Variants in VPS13B observed in about 807,000 individuals in gnomAD.
VPS13B encodes intermembrane lipid transfer protein VPS13B.
A neutral mutation model predicts 426.4 loss-of-function variants in VPS13B; 285 were observed. The ratio of observed to expected loss-of-function variants is 0.67; its 90% CI spans 0.61 to 0.74. The LOEUF (loss-of-function observed/expected upper bound fraction) is 0.74, where lower values mean the gene tolerates loss of function less well. VPS13B is among the 30% of genes least tolerant of loss of function. The pLI is 0.00. For missense variants in VPS13B, 4,537 were observed against 4,782.6 expected (o/e 0.95, Z 1.51); for synonymous variants, 1,676 against 1,676.4 (o/e 1.00, Z 0.01).
At chr8:99,286,285 T>A (rs1223887510) in intron 19 of VPS13B, among the ~76,000 whole-genome samples, 1 of 152,192 alleles carries the variant, frequency 6.6e-6, no homozygotes, top group Non-Finnish European at 1.5e-5. Context: ...AATTGCTCTA[T>A]GGGGAAAAAT....
intron 19 of VPS13B, among the ~76,000 whole-genome samples, chr8:99,350,512 G>C (rs1428890685): frequency 6.6e-6 from 1 of 152,116 alleles, no homozygotes; most frequent in Non-Finnish European, 1.5e-5. Context: ...TAGTAGGGAG[G>C]TTTGATGATA....
chr8:99,714,207 T>C (rs1481443754), intron 36 of VPS13B, among the ~76,000 whole-genome samples: 1 of 150,078 alleles, frequency 6.7e-6, no homozygotes. Context: ...GGGCTCCCAA[T>C]GGCCAAAGCT....
At chr8:99,270,933 A>G (rs762717802) in intron 17 of VPS13B, among the ~76,000 whole-genome samples, 3 of 152,174 alleles carry the variant, frequency 2.0e-5, no homozygotes, top group Non-Finnish European at 2.9e-5. Flanking sequence ...ATCCTTTGTT[A>G]TAAAGAAAAA....
chr8:99,703,888 A>G (rs905227994), intron 36 of VPS13B, among the ~76,000 whole-genome samples: 2 of 152,098 alleles, frequency 1.3e-5, no homozygotes, highest in Non-Finnish European at 2.9e-5. Flanking sequence ...GCTGAACTTT[A>G]GGCTGCCTTG....
chr8:99,820,774 T>C (rs1814313880), intron 49 of VPS13B, among the ~76,000 whole-genome samples: 3 of 152,272 alleles, frequency 2.0e-5, no homozygotes, highest in East Asian at 3.9e-4. Context: ...CTAAATAAAA[T>C]GTCTTTCTGA....
At chr8:99,690,325 A>G (rs900601392) in intron 35 of VPS13B, among the ~76,000 whole-genome samples, 1 of 152,234 alleles carries the variant, frequency 6.6e-6, no homozygotes, top group African/African-American at 2.4e-5. Flanking sequence ...GTAGACTTAC[A>G]TTTAAGAGAT....
At chr8:99,423,431 T>TG (rs1554781882) in intron 21 of VPS13B, among the ~76,000 whole-genome samples, 31 of 132,630 alleles carry the variant, frequency 2.3e-4, no homozygotes, top group African/African-American at 6.5e-4. Context: ...TAATTTTTTT[T>TG]TTTTTTTTGT....
At chr8:99,868,621 CTAA>C (rs1422724214) in intron 59 of VPS13B, among the ~76,000 whole-genome samples, 156 bp downstream of exon 59, 4 of 152,106 alleles carry the variant, frequency 2.6e-5, no homozygotes, top group African/African-American at 7.2e-5. Flanking sequence ...AATTTTACTA[CTAA>C]TAATAAAACC....
intron 3 of VPS13B, among the ~76,000 whole-genome samples, chr8:99,088,264 C>G (rs1391054415): frequency 6.6e-6 from 1 of 151,240 alleles, no homozygotes; most frequent in Non-Finnish European, 1.5e-5. Flanking sequence ...TGGTAATTTC[C>G]TGGGTAGTGT....
chr8:99,212,714 C>CCA (rs1815162350), intron 17 of VPS13B, among the ~76,000 whole-genome samples: 1 of 152,100 alleles, frequency 6.6e-6, no homozygotes, highest in African/African-American at 2.4e-5. Flanking sequence ...CATGAAGAAT[C>CCA]TTAAGTGATA....
chr8:99,233,911 A>G, intron 17 of VPS13B: 1 of 790,148 alleles, frequency 1.3e-6, no homozygotes. Context: ...CTGGGGTGGC[A>G]TGGATGGTGA....
At chr8:99,484,862 A>G (rs940340728) in intron 25 of VPS13B, among the ~76,000 whole-genome samples, 4 of 152,040 alleles carry the variant, frequency 2.6e-5, no homozygotes, top group African/African-American at 9.7e-5. Context: ...AAAAAAAAAA[A>G]AAGAGATAAT....
chr8:99,382,474 C>T (rs1487643004), intron 19 of VPS13B, among the ~76,000 whole-genome samples: 1 of 152,006 alleles, frequency 6.6e-6, no homozygotes, highest in Non-Finnish European at 1.5e-5. Context: ...AATGTTTTTC[C>T]ATTTGTTTCT....
At chr8:99,640,049 G>GAAGAAGAAGAAGA (rs1299280170) in intron 33 of VPS13B, among the ~76,000 whole-genome samples, 14 of 99,714 alleles carry the variant, frequency 1.4e-4, no homozygotes, top group African/African-American at 5.4e-4. Flanking sequence ...AGAAGAAGAA[G>GAAGAAGAAGAAGA]AGAAAAGAAA....
chr8:99,661,538 T>G, intron 35 of VPS13B, 47 bp downstream of exon 35: 1 of 1,597,024 alleles, frequency 6.3e-7, no homozygotes, highest in Non-Finnish European at 8.5e-7. Context: ...TTTATGTGAA[T>G]ATATTAGCAT....
intron 33 of VPS13B, among the ~76,000 whole-genome samples, chr8:99,614,324 C>T (rs1827978340): frequency 6.6e-6 from 1 of 152,044 alleles, no homozygotes; most frequent in Non-Finnish European, 1.5e-5. Context: ...GTTGCACAGG[C>T]TGGAGTGCAA....
chr8:99,310,983 G>A (rs556208841), intron 19 of VPS13B, among the ~76,000 whole-genome samples: 2 of 152,206 alleles, frequency 1.3e-5, no homozygotes, highest in South Asian at 4.2e-4. Context: ...ATTCTCTGAT[G>A]GTAGTTTGTA....
intron 2 of VPS13B, among the ~76,000 whole-genome samples, chr8:99,025,201 G>A (rs1842075112): frequency 6.6e-6 from 1 of 151,864 alleles, no homozygotes; most frequent in African/African-American, 2.4e-5. Context: ...AGGTATTTCT[G>A]CATATGAGAT....
chr8:99,185,518 AT>A (rs1272526053), intron 16 of VPS13B, among the ~76,000 whole-genome samples: 2 of 152,168 alleles, frequency 1.3e-5, no homozygotes, highest in Non-Finnish European at 2.9e-5. Flanking sequence ...AACTAATCTT[AT>A]TTTACTGTAC....
Sources: allele counts gnomAD v4.1 joint callset (sites outside exome capture counted in the v4.1 genomes callset), GRCh38; gene constraint gnomAD v4.1.1; transcripts MANE v1.5; gene names NCBI Gene and HGNC (gene_info 2026-07-23, HGNC 2026-07-21).